Variants in TBL3 observed in about 807,000 individuals in gnomAD.
TBL3 encodes transducin beta-like protein 3.
Under a neutral mutation model 102.7 loss-of-function variants are expected in TBL3, and 71 were observed. That is an observed-to-expected ratio of 0.69 (90% CI 0.57 to 0.84). The LOEUF (loss-of-function observed/expected upper bound fraction) is 0.84. Among genes scored for constraint, TBL3 ranks in the 40% least tolerant of loss-of-function variants. The pLI, the probability that TBL3 is intolerant of heterozygous loss-of-function variation, is 0.00. For synonymous variants in TBL3, 578 were observed against 477.7 expected (o/e 1.21, Z -2.74); for missense variants, 1,188 against 1,098.5 (o/e 1.08, Z -1.15).
Position 1,977,370 on chromosome 16 carries a change from C to G in TBL3, c.1686C>G (p.His562Gln). 6.2e-7 allele frequency: 1 copy of G among 1,613,006 alleles called. No individual in the cohort carries two copies. The highest frequency in any genetic ancestry group is 8.5e-7 in the Non-Finnish European group (1 of 1,179,912). ...CCACCTTGCAGACATTTGAGGGGCA[C>G]GATGCTTCTGTGCTGAAGGTGGCCT... ...DFSCLKTFEG[H>Q]DASVLKVAFV... The change falls in exon 16 of 22, where the codon CAC (histidine) becomes CAG (glutamine). Residue 562 changes from histidine to glutamine, a missense_variant. Physicochemically the swap from His to Gln is conservative, Grantham distance 24. Coordinates refer to ENST00000568546, the MANE Select transcript of TBL3 (RefSeq NM_006453.3).
At chr16:1,972,453 A>G (rs570963704) in intron 1 of TBL3, among the ~76,000 whole-genome samples, 1 of 152,162 alleles carries the variant, frequency 6.6e-6, no homozygotes, top group East Asian at 1.9e-4. Flanking sequence ...GAAGCCGGCT[A>G]TGGGGTGGAG....
In TBL3 at chr16:1,980,961, C is replaced by A; in HGVS notation, c.*2276C>A. 1 of 1,613,054 alleles carries A rather than the reference C, an allele frequency of 6.2e-7. No homozygotes were observed. The highest frequency in any genetic ancestry group is 8.5e-7 in the Non-Finnish European group (1 of 1,179,990). On this transcript the variant is annotated 3_prime_UTR_variant, in exon 22 of 22. Transcript: ENST00000568546. The stretch of plus-strand genomic sequence containing the variant: ...CACCTTGAGCTGCCTGAATTCGTCC[C>A]AACTCCTGCGCACGAAGGTGTCGCT...
chr16:1,975,128 G>A lies in TBL3; in HGVS notation c.635+30G>A, dbSNP rs749155002. 15 of 1,613,012 alleles carry A rather than the reference G, an allele frequency of 9.3e-6. No homozygotes were observed. In the African/African-American group the frequency reaches 1.1e-4, roughly 11 times the overall value. The stretch of plus-strand genomic sequence containing the variant: ...GCAGTGGGCCCTGGTAGGAGGGGGA[G>A]GCTTGGAAAGTGGGGGCTGAGGCTA... On this transcript the variant is annotated intron_variant, in intron 7 of 21. Transcript: ENST00000568546.
chr16:1,974,090 A>G lies in TBL3; in HGVS notation c.76A>G (p.Lys26Glu), dbSNP rs1453747255. The G allele has an allele frequency of 8.8e-6, 14 of 1,584,304 alleles. No individual in the cohort carries two copies. In the East Asian group the frequency reaches 2.9e-4, roughly 33 times the overall value. ...AVERKIEPFY[K>E]GGKAQLDQTG... ...GGAGCGCAAAATTGAGCCTTTCTAC[A>G]AGGGCGGAAAAGCACAGGTACCAGC... Residue 26 changes from lysine (K) to glutamate (E), a missense_variant, in exon 2 of 22, where the codon AAG (lysine) becomes GAG (glutamate). Physicochemically the swap from Lys to Glu is moderately conservative, Grantham distance 56. Coordinates refer to ENST00000568546, the MANE Select transcript of TBL3 (RefSeq NM_006453.3).
rs2083523585 is a variant in TBL3 at position 1,982,549 on chromosome 16, T to A, written c.*3864T>A. The A allele has an allele frequency of 6.6e-6, 1 of 152,212 alleles. No individual in the cohort carries two copies. Among genetic ancestry groups the A allele is most frequent in the Admixed American group, 6.6e-5 (1 of 15,252 alleles). The allele number at this position is 152,212 out of a possible 1,614,324, so 9.4% of individuals were successfully genotyped here. On this transcript the variant is annotated 3_prime_UTR_variant, in exon 22 of 22. Transcript: ENST00000568546. The stretch of plus-strand genomic sequence containing the variant: ...CCATCAGCCCTGCATGGTTTCCACT[T>A]TTTCCTCCCCTACCCTCTTTTCTTG...
chr16:1,975,810 C>A lies in TBL3; in HGVS notation c.990C>A (p.Phe330Leu). 6.2e-7 allele frequency: 1 copy of A among 1,614,166 alleles called. No individual in the cohort carries two copies. The highest frequency in any genetic ancestry group is 1.7e-5 in the Admixed American group (1 of 60,032). ...TCCTGCTCCCTGCCACCCCGCAGTT[C>A]GCTGGCTACAGTGAGGAGGTTTTGG... ...EARSLRLQKQ[F>L]AGYSEEVLDV... The change falls in exon 11 of 22, where the codon TTC (phenylalanine) becomes TTA (leucine). Residue 330 changes from phenylalanine to leucine, a missense_variant and splice_region_variant. Physicochemically the swap from Phe to Leu is conservative, Grantham distance 22 (BLOSUM62 0). Transcript: ENST00000568546.
chr16:1,974,567 G>C lies in TBL3; in HGVS notation c.267G>C (p.Leu89=), dbSNP rs372536903. Residue 89 remains leucine (L), a synonymous_variant, in exon 5 of 22, where the codon CTG becomes CTC. Coordinates refer to ENST00000568546, the MANE Select transcript of TBL3 (RefSeq NM_006453.3). ...EVLVTASRAL[L]LAQWAWQEGS... ...TGGTGACAGCCAGTCGGGCATTGCT[G>C]CTGGCTCAGTGGGCCTGGCAAGAGG... is the stretch of plus-strand genomic sequence containing the variant. The C allele has an allele frequency of 1.1e-4, 172 of 1,610,280 alleles. No homozygotes were observed. Among genetic ancestry groups the C allele is most frequent in the Non-Finnish European group, 1.4e-4 (169 of 1,177,802 alleles).
rs2083429535 is a variant in TBL3, at chr16:1,978,740, G to A, written c.*55G>A. On this transcript the variant is annotated 3_prime_UTR_variant, in exon 22 of 22. Coordinates refer to ENST00000568546, the MANE Select transcript of TBL3 (RefSeq NM_006453.3). ...AACCCCTGGAAAACCCATAAAGGCC[G>A]CTCTCCTGGCCGGCTCTGTCTCTCT... 11 of 1,573,796 alleles carry A rather than the reference G, an allele frequency of 7.0e-6. No individual in the cohort carries two copies. The highest frequency in any genetic ancestry group is 2.3e-5 in the East Asian group (1 of 44,110).
chr16:1,977,037 CCTT>C lies in TBL3; in HGVS notation c.1441-14_1441-12del, dbSNP rs1426272220. The stretch of plus-strand genomic sequence containing the variant: ...AAGATGGGGGATTGCTGAGCCACCA[CCTT>C]CTCCCATTGCCAGGACATCAACAGC... On this transcript the variant is annotated splice_polypyrimidine_tract_variant and intron_variant, in intron 14 of 21. Coordinates refer to ENST00000568546, the MANE Select transcript of TBL3 (RefSeq NM_006453.3). 1.2e-5 allele frequency: 19 copies of C among 1,612,702 alleles called. No homozygotes were observed. The highest frequency in any genetic ancestry group is 1.4e-5 in the Non-Finnish European group (17 of 1,179,486).
At chr16:1,976,185 C>A (rs1351844969) in intron 12 of TBL3, 26 bp from the exon 13 acceptor site, 2 of 1,613,938 alleles carry the variant, frequency 1.2e-6, no homozygotes, top group Non-Finnish European at 1.7e-6. Context: ...ATGGACCAGC[C>A]TCTCTCCTCA....
chr16:1,976,869 C>T lies in TBL3; in HGVS notation c.1348C>T (p.Pro450Ser), dbSNP rs1240230781. 3 of 1,613,826 alleles carry T rather than the reference C, an allele frequency of 1.9e-6. No individual in the cohort carries two copies. Among genetic ancestry groups the T allele is most frequent in the Non-Finnish European group, 2.5e-6 (3 of 1,180,004 alleles). ...GSQDCTVKLWPLPKALLSKNT... is the reference protein window; with the variant it reads ...GSQDCTVKLWSLPKALLSKNT... ...CCAGGACTGCACTGTGAAGCTGTGG[C>T]CTCTTCCCAAAGCCTTGCTGTCCAA... is the stretch of plus-strand genomic sequence containing the variant. Residue 450 changes from proline (P) to serine (S), a missense_variant, in exon 14 of 22, where the codon CCT becomes TCT. By Grantham distance (74) the Pro-to-Ser change is moderately conservative. Transcript: ENST00000568546.
At chr16:1,973,822 C>T (rs1425120757) in intron 1 of TBL3, among the ~76,000 whole-genome samples, 2 of 152,174 alleles carry the variant, frequency 1.3e-5, no homozygotes, top group African/African-American at 4.8e-5. Flanking sequence ...CAGGCCCACC[C>T]CCTACTGCCT....
At position 1,972,217 on chromosome 16, in the gene TBL3, G is replaced by T; in HGVS notation, c.41+12G>T. The T allele has an allele frequency of 7.2e-7, 1 of 1,380,770 alleles. No homozygotes were observed. Among genetic ancestry groups the T allele is most frequent in the Non-Finnish European group, 9.4e-7 (1 of 1,060,954 alleles). The allele number at this position is 1,380,770 out of a possible 1,614,324, so 85.5% of individuals were successfully genotyped here. ...CGCTTCAAGACCAAGTGAGCCCGGA[G>T]CTCTGGGGCCGTGCGGGGAGGGAGC... On this transcript the variant is annotated intron_variant, in intron 1 of 21. Coordinates refer to ENST00000568546, the MANE Select transcript of TBL3 (RefSeq NM_006453.3).
Position 1,979,783 on chromosome 16 carries a change from C to T in TBL3, c.*1098C>T, listed in dbSNP as rs1310328330. The T allele has an allele frequency of 8.5e-6, 13 of 1,528,690 alleles. No individual in the cohort carries two copies. The highest frequency in any genetic ancestry group is 1.1e-5 in the Non-Finnish European group (12 of 1,135,788). 94.7% of individuals were successfully genotyped at this position (1,528,690 alleles called of 1,614,324 possible). On this transcript the variant is annotated 3_prime_UTR_variant, in exon 22 of 22. Coordinates refer to ENST00000568546, the MANE Select transcript of TBL3 (RefSeq NM_006453.3). ...TGGTGGCGTGAGGGGTGGGGTTAGG[C>T]GCATACCGCTGCTCCCTAGGGACGG...
chr16:1,973,689 T>C (rs570004422), intron 1 of TBL3, among the ~76,000 whole-genome samples: 126 of 152,204 alleles, frequency 8.3e-4, no homozygotes, highest in South Asian at 6.8e-3. Context: ...TGGGAGGATG[T>C]GCTCTGGGCT....
chr16:1,979,279 C>G lies in TBL3; in HGVS notation c.*594C>G, dbSNP rs201239965. 965 of 1,552,678 alleles carry G rather than the reference C, an allele frequency of 6.2e-4. 2 individuals carry two copies. The highest frequency in any genetic ancestry group is 5.9e-3 in the African/African-American group (429 of 72,860). On this transcript the variant is annotated 3_prime_UTR_variant, in exon 22 of 22. Coordinates refer to ENST00000568546, the MANE Select transcript of TBL3 (RefSeq NM_006453.3). ...TCGTCTCCTCCACGGAACCCCGTCC[C>G]GCTCAGGAGAGCGCCCAGCCCTTCC... is the stretch of plus-strand genomic sequence containing the variant.
chr16:1,976,091 T>A lies in TBL3; in HGVS notation c.1165T>A (p.Trp389Arg), dbSNP rs1260447040. The A allele has an allele frequency of 6.2e-7, 1 of 1,614,068 alleles. No individual in the cohort carries two copies. Among genetic ancestry groups the A allele is most frequent in the Admixed American group, 1.7e-5 (1 of 60,006 alleles). Residue 389 changes from tryptophan (W) to arginine (R), a missense_variant, in exon 12 of 22, where the codon TGG (tryptophan) becomes AGG (arginine). Transcript: ENST00000568546. ...GGCCCTGGATGTGTTCCGGAAGGGG[T>A]GGCTCTTTGCCAGCTGTGCCAAGGT... ...VLALDVFRKGWLFASCAKDQS... is the reference protein window; with the variant it reads ...VLALDVFRKGRLFASCAKDQS...
At position 1,980,586 on chromosome 16, in the gene TBL3, GCT is replaced by G. The variant is rs751205738; in HGVS notation, c.*1902_*1903del. The G allele has an allele frequency of 2.5e-6, 4 of 1,594,570 alleles. No homozygotes were observed. In the Admixed American group the frequency reaches 5.2e-5, roughly 21 times the overall value. The stretch of plus-strand genomic sequence containing the variant: ...AACGTACTGTGATACGCCGCTTTGG[GCT>G]TCACTGGTCCCTGGCGCCCCCAGGC... On this transcript the variant is annotated 3_prime_UTR_variant, in exon 22 of 22. Transcript: ENST00000568546.
In TBL3 at chr16:1,979,844, C is replaced by T. The variant is rs768068245; in HGVS notation, c.*1159C>T. 4.4e-6 allele frequency: 7 copies of T among 1,579,308 alleles called. No individual in the cohort carries two copies. Among genetic ancestry groups the T allele is most frequent in the Non-Finnish European group, 6.0e-6 (7 of 1,164,026 alleles). On this transcript the variant is annotated 3_prime_UTR_variant, in exon 22 of 22. Coordinates refer to ENST00000568546, the MANE Select transcript of TBL3 (RefSeq NM_006453.3). ...CGGCCTTGGCCCGGGGCCGCCTCCT[C>T]CAGGTAGGGCGCTGGAAACCAGGCG...
Sources: gnomAD v4.1 joint callset for allele counts (sites outside exome capture counted in the v4.1 genomes callset) on GRCh38, gnomAD v4.1.1 for gene constraint, MANE v1.5 for transcripts, NCBI Gene and HGNC (gene_info 2026-07-23, HGNC 2026-07-21) for gene names.